The following SAFB variants were observed in gnomAD, a reference collection of about 807,000 sequenced individuals.
SAFB encodes the protein scaffold attachment factor B1.
A neutral mutation model predicts 101.6 loss-of-function variants in SAFB; 15 were observed. The ratio of observed to expected loss-of-function variants is 0.15; its 90% CI spans 0.10 to 0.23. The LOEUF is 0.23. Among genes scored for constraint, SAFB ranks in the 10% least tolerant of loss-of-function variants. The probability of loss-of-function intolerance (pLI) is 1.00; values close to 1 mark genes in which losing one functional copy is unlikely to be tolerated. For missense variants in SAFB, 930 were observed against 1,104.1 expected (o/e 0.84, Z 2.23); for synonymous variants, 449 against 407.5 (o/e 1.10, Z -1.23).
At chr19:5,647,920 T>C in intron 5 of SAFB, 96 bp from the exon 6 acceptor site, 1 of 1,173,346 alleles carries the variant, frequency 8.5e-7, no homozygotes, top group Non-Finnish European at 1.3e-6. Context: ...CTCCCTGGAT[T>C]TTTAAAATTC....
rs553753504 is a variant in SAFB at position 5,623,183 on chromosome 19, G to A, written c.-23G>A. 2.6e-6 allele frequency: 4 copies of A among 1,559,856 alleles called. No homozygotes were observed. In the African/African-American group the frequency reaches 5.5e-5, roughly 21 times the overall value. On this transcript the variant is annotated 5_prime_UTR_variant, in exon 1 of 21. Transcript: ENST00000588852. ...ACCGGCCCGGTTCTGTGGAAAGTGG[G>A]CGGCGGAGCCAGGGTCCCTGGAATG...
At chr19:5,657,569 G>A (rs955020581) in intron 14 of SAFB, among the ~76,000 whole-genome samples, 2 of 151,702 alleles carry the variant, frequency 1.3e-5, no homozygotes, top group Non-Finnish European at 2.9e-5. Flanking sequence ...GCTGTGTCGC[G>A]CCCAGGCTGG....
chr19:5,651,561 G>T (rs947500076), intron 9 of SAFB, among the ~76,000 whole-genome samples: 1 of 152,190 alleles, frequency 6.6e-6, no homozygotes, highest in African/African-American at 2.4e-5. Flanking sequence ...TGCTGCCTCA[G>T]TTCACCACTG....
intron 2 of SAFB, among the ~76,000 whole-genome samples, chr19:5,639,230 A>AT (rs1357349962): frequency 2.0e-5 from 3 of 152,340 alleles, no homozygotes; most frequent in South Asian, 4.1e-4. Flanking sequence ...TGGGACAACT[A>AT]TTGGGAAAAT....
At position 5,623,253 on chromosome 19, in the gene SAFB, G is replaced by T; in HGVS notation, c.48G>T (p.Ala16=). ...TAGGTGATTCTGGAGCGGCGGGCGC[G>T]GCGGCTCTGAGCTCCGCCTCGTCAG... ...SGLGDSGAAG[A]AALSSASSET... Residue 16 remains alanine, a synonymous_variant, in exon 1 of 21, where the codon GCG becomes GCT. Coordinates refer to ENST00000588852, the MANE Select transcript of SAFB (RefSeq NM_001201338.2). The T allele has an allele frequency of 1.3e-6, 2 of 1,571,724 alleles. No homozygotes were observed. Among genetic ancestry groups the T allele is most frequent in the Non-Finnish European group, 8.6e-7 (1 of 1,159,360 alleles).
intron 2 of SAFB, among the ~76,000 whole-genome samples, chr19:5,637,785 C>T (rs536607643): frequency 3.9e-4 from 59 of 152,346 alleles, no homozygotes; most frequent in Non-Finnish European, 6.8e-4. Context: ...GCACCGCCTT[C>T]TATAAGGAAT....
chr19:5,625,422 T>A (rs1008151318), intron 1 of SAFB, among the ~76,000 whole-genome samples: 1 of 152,220 alleles, frequency 6.6e-6, no homozygotes, highest in African/African-American at 2.4e-5. Context: ...TTTTTGTTGC[T>A]GCTGGTAAAG....
intron 14 of SAFB, among the ~76,000 whole-genome samples, chr19:5,660,702 AC>A (rs1375842702): frequency 1.0e-4 from 8 of 80,086 alleles, no homozygotes; most frequent in Admixed American, 1.4e-4. Flanking sequence ...AACCATCTCT[AC>A]CAAAAAAAAA....
chr19:5,655,459 CAAA>C (rs56999816), intron 13 of SAFB, among the ~76,000 whole-genome samples: 79 of 55,162 alleles, frequency 1.4e-3, no homozygotes, highest in African/African-American at 4.2e-3. Flanking sequence ...GACCCCATCT[CAAA>C]AAAAAAAAAA....
intron 2 of SAFB, among the ~76,000 whole-genome samples, chr19:5,635,660 C>T (rs2053580720): frequency 6.6e-6 from 1 of 152,102 alleles, no homozygotes; most frequent in Admixed American, 6.6e-5. Flanking sequence ...TGGGAGCATC[C>T]CAGCAGAAGT....
At chr19:5,626,772 C>T (rs1007770911) in intron 2 of SAFB, among the ~76,000 whole-genome samples, 1 of 152,090 alleles carries the variant, frequency 6.6e-6, no homozygotes, top group Admixed American at 6.5e-5. Context: ...GGGAGTCAGT[C>T]ACAGTGGCGT....
Position 5,667,194 on chromosome 19 carries a change from C to G in SAFB, c.2453+30C>G. 2.2e-6 allele frequency: 1 copy of G among 459,562 alleles called. No homozygotes were observed. Among genetic ancestry groups the G allele is most frequent in the South Asian group, 4.7e-5 (1 of 21,180 alleles). 28.5% of individuals were successfully genotyped at this position (459,562 alleles called of 1,614,324 possible). On this transcript the variant is annotated intron_variant, in intron 18 of 20. Coordinates refer to ENST00000588852, the MANE Select transcript of SAFB (RefSeq NM_001201338.2). The surrounding 1 kb of genome is among the most constrained non-coding windows in gnomAD (Gnocchi z 4.0). ...GTGTCCCACACCCGACAGTACCTGA[C>G]CCCCCCCCCGCCCACAAGGGGGCCC...
rs1373439210 is a variant in SAFB, at chr19:5,661,526, G to A, written c.1871G>A (p.Arg624His). ...SRDSESHSRV[R>H]ERSEREQRMQ... ...GCTCTACTGTTGTGCAGCAGGGTGC[G>A]TGAACGCAGTGAACGCGAACAACGC... The change falls in exon 15 of 21, where the codon CGT becomes CAT. Residue 624 changes from arginine (R) to histidine (H), a missense_variant. Transcript: ENST00000588852. The A allele has an allele frequency of 6.2e-7, 1 of 1,612,732 alleles. No individual in the cohort carries two copies. The highest frequency in any genetic ancestry group is 8.5e-7 in the Non-Finnish European group (1 of 1,179,742).
rs766210027 is a variant in SAFB, at chr19:5,654,208, G to T, written c.1666+8G>T. On this transcript the variant is annotated splice_region_variant and intron_variant, in intron 12 of 20. Transcript: ENST00000588852. ...CTCGAGCCACAAAGTCAGGTGGGCAGCTCATGAGCCCAGGAGATTCTGTCT... is the reference window on the plus strand; with the variant it reads ...CTCGAGCCACAAAGTCAGGTGGGCATCTCATGAGCCCAGGAGATTCTGTCT... 2 of 1,614,002 alleles carry T rather than the reference G, an allele frequency of 1.2e-6. No homozygotes were observed. The highest frequency in any genetic ancestry group is 2.7e-5 in the African/African-American group (2 of 74,912).
At chr19:5,640,283 T>A (rs2053678105) in intron 2 of SAFB, among the ~76,000 whole-genome samples, 1 of 151,972 alleles carries the variant, frequency 6.6e-6, no homozygotes, top group African/African-American at 2.4e-5. Context: ...AAAACAGTAT[T>A]CCTTTTCTTA....
At chr19:5,656,307 T>C (rs1207584125) in intron 13 of SAFB, among the ~76,000 whole-genome samples, 1 of 152,188 alleles carries the variant, frequency 6.6e-6, no homozygotes. Flanking sequence ...AGTCTGACTC[T>C]GTGGCCCAGG....
intron 1 of SAFB, 64 bp from the exon 2 acceptor site, chr19:5,626,341 A>G (rs2053359914): frequency 1.1e-6 from 1 of 905,862 alleles, no homozygotes; most frequent in East Asian, 2.4e-5. Flanking sequence ...GTCACCTGAG[A>G]GCTCTCTGAA....
chr19:5,655,366 G>A (rs2054032753), intron 13 of SAFB, among the ~76,000 whole-genome samples: 1 of 150,866 alleles, frequency 6.6e-6, no homozygotes, highest in East Asian at 2.0e-4. Context: ...GCTGAGGTGG[G>A]AGAATGCCAC....
intron 2 of SAFB, among the ~76,000 whole-genome samples, chr19:5,627,879 G>T (rs1340388849): frequency 1.3e-5 from 2 of 152,182 alleles, no homozygotes; most frequent in Non-Finnish European, 2.9e-5. Context: ...GATTGATGAG[G>T]ACTAGGGCTG....
Sources: allele counts gnomAD v4.1 joint callset (sites outside exome capture counted in the v4.1 genomes callset), GRCh38; gene constraint gnomAD v4.1.1; non-coding constraint Gnocchi (gnomAD v3.1); transcripts MANE v1.5; gene names NCBI Gene and HGNC (gene_info 2026-07-23, HGNC 2026-07-21).